The following MS4A6E variants were observed in gnomAD, a reference collection of about 807,000 sequenced individuals.
MS4A6E encodes membrane spanning 4-domains A6E, also known as membrane-spanning 4-domains subfamily A member 6E.
MS4A6E carries 8 observed loss-of-function variants against 13.2 expected under a neutral mutation model. The observed-to-expected ratio is 0.60, with a 90% CI of 0.35 to 1.09. The LOEUF (loss-of-function observed/expected upper bound fraction) is 1.09. Ranked by LOEUF, MS4A6E falls within the 50% of genes least tolerant of loss-of-function variation. The pLI, the probability that MS4A6E is intolerant of heterozygous loss-of-function variation, is 0.02. For synonymous variants in MS4A6E, 72 were observed against 67.6 expected (o/e 1.06, Z -0.32); for missense variants, 177 against 171.1 (o/e 1.03, Z -0.19).
chr11:60,341,811 T>A (rs2085227595), downstream of MS4A6E, among the ~76,000 whole-genome samples: 1 of 152,170 alleles, frequency 6.6e-6, no homozygotes, highest in South Asian at 2.1e-4. Flanking sequence ...TAGCTTTATC[T>A]TCAAATCTGT....
intron 4 of MS4A6E, among the ~76,000 whole-genome samples, chr11:60,346,932 AG>A (rs1590779257): frequency 1.3e-5 from 2 of 152,374 alleles, no homozygotes. Flanking sequence ...CCTGAGTTAA[AG>A]TTCGGAAAGC....
At chr11:60,335,078 G>A (rs754672592) in intron 2 of MS4A6E, 36 bp downstream of exon 2, 1 of 1,610,764 alleles carries the variant, frequency 6.2e-7, no homozygotes, top group Non-Finnish European at 8.5e-7. Context: ...AGAGGGGTTA[G>A]GGGAAGTGGG....
chr11:60,338,310 G>A (rs1565156671), intron 3 of MS4A6E, among the ~76,000 whole-genome samples: 2 of 152,154 alleles, frequency 1.3e-5, no homozygotes. Flanking sequence ...AGACCCGGGT[G>A]ATCAGAAAAT....
At chr11:60,339,623 G>A (rs1403154948) in intron 3 of MS4A6E, among the ~76,000 whole-genome samples, 1 of 152,180 alleles carries the variant, frequency 6.6e-6, no homozygotes, top group African/African-American at 2.4e-5. Flanking sequence ...TGAGAAACAA[G>A]TGTATGAAAT....
chr11:60,335,924 T>C (rs1012344747), intron 2 of MS4A6E, among the ~76,000 whole-genome samples: 2 of 152,002 alleles, frequency 1.3e-5, no homozygotes, highest in Non-Finnish European at 2.9e-5. Context: ...CATGGACACG[T>C]AGAAGGGAAC....
At chr11:60,342,173 GTGTGTGAGAGAGAGAGAGAGAGAGAGA>G (rs2085230105), downstream of MS4A6E, among the ~76,000 whole-genome samples, 3 of 32,812 alleles carry the variant, frequency 9.1e-5, no homozygotes, top group African/African-American at 2.9e-4. Context: ...GTGTGTGTGT[GTGTGTGAGAGAGAGAGAGAGAGAGAGA>G]GGGGGGGGGA....
downstream of MS4A6E, among the ~76,000 whole-genome samples, chr11:60,341,555 AG>A (rs1400071229): frequency 2.0e-5 from 3 of 152,102 alleles, no homozygotes; most frequent in Non-Finnish European, 2.9e-5. Context: ...GAATTGTTTG[AG>A]TATAACAAAC....
chr11:60,339,064 A>G (rs2085207128), intron 3 of MS4A6E, among the ~76,000 whole-genome samples: 1 of 152,234 alleles, frequency 6.6e-6, no homozygotes, highest in Non-Finnish European at 1.5e-5. Flanking sequence ...GGTAATGGAC[A>G]CAACATGTAT....
At position 60,330,262 on chromosome 11, in the gene MS4A6E, C is replaced by T. The variant is rs181302160; in HGVS notation, c.-15+2854C>T. 1.2e-3 allele frequency among the ~76,000 whole-genome samples: 184 copies of T among 147,640 alleles called. 9 individuals carry two copies. Among genetic ancestry groups the T allele is most frequent in the African/African-American group, 4.5e-3 (180 of 39,720 alleles). ...TCTCCCATTCTGTAGGTCGCCTGTT[C>T]ACTCTGATGATAGTTTCTTTTGCTG... On this transcript the variant is annotated intron_variant, in intron 1 of 4. Transcript: ENST00000684409.
At chr11:60,329,472 T>A (rs1412785915) in intron 1 of MS4A6E, among the ~76,000 whole-genome samples, 1 of 152,226 alleles carries the variant, frequency 6.6e-6, no homozygotes. Context: ...TGTGTCTATA[T>A]AGCAGAATGA....
downstream of MS4A6E, among the ~76,000 whole-genome samples, chr11:60,345,633 G>A (rs1412767441): frequency 2.0e-5 from 3 of 152,216 alleles, no homozygotes; most frequent in South Asian, 2.1e-4. Context: ...CTGTGTTTAG[G>A]TGAGAACAAG....
rs144286148 is a variant in MS4A6E at position 60,339,748 on chromosome 11, T to G, written c.355-118T>G. ...GGAGCAGTTTTGTTTTCCTGATTGTTTCCTTACTTCATTCTCTAATGGTTG... is the reference window on the plus strand; with the variant it reads ...GGAGCAGTTTTGTTTTCCTGATTGTGTCCTTACTTCATTCTCTAATGGTTG... On this transcript the variant is annotated intron_variant, in intron 3 of 4. Coordinates refer to ENST00000684409, the MANE Select transcript of MS4A6E (RefSeq NM_139249.4). 2.6e-3 allele frequency: 2,204 copies of G among 847,540 alleles called. 36 individuals are homozygous for G. The African/African-American group carries it at 0.027, about 10-fold the overall frequency. The allele number at this position is 847,540 out of a possible 1,614,324, so 52.5% of individuals were successfully genotyped here.
intron 1 of MS4A6E, among the ~76,000 whole-genome samples, chr11:60,334,015 A>T (rs1185350301): frequency 6.6e-6 from 1 of 152,010 alleles, no homozygotes; most frequent in East Asian, 1.9e-4. Context: ...TCTGGAGAAA[A>T]CCCTGAAGTC....
chr11:60,343,402 A>C (rs1460610038), downstream of MS4A6E, among the ~76,000 whole-genome samples: 1 of 152,190 alleles, frequency 6.6e-6, no homozygotes, highest in Admixed American at 6.5e-5. Context: ...ATTAGACAGA[A>C]TATTACAGCA....
chr11:60,338,082 T>G, intron 3 of MS4A6E, 135 bp downstream of exon 3: 1 of 765,124 alleles, frequency 1.3e-6, no homozygotes, highest in South Asian at 1.9e-5. Flanking sequence ...GTTATGTAAA[T>G]CAAAGGGGGG....
At chr11:60,339,993 C>A in intron 4 of MS4A6E, 29 bp downstream of exon 4, 1 of 1,609,722 alleles carries the variant, frequency 6.2e-7, no homozygotes, top group Non-Finnish European at 8.5e-7. Context: ...CTCGCTTAAT[C>A]TTGCCTAGTG....
At chr11:60,335,499 C>T (rs1456441084) in intron 2 of MS4A6E, 1 of 443,774 alleles carries the variant, frequency 2.3e-6, no homozygotes, top group South Asian at 1.6e-5. Context: ...TGATATTTAC[C>T]TTTTATTTGT....
chr11:60,328,698 C>T (rs1264461493), intron 1 of MS4A6E, among the ~76,000 whole-genome samples: 3 of 151,834 alleles, frequency 2.0e-5, no homozygotes, highest in Admixed American at 2.0e-4. Context: ...TCTAAAATAA[C>T]AACAAAACAA....
At chr11:60,336,152 A>G (rs1590775010) in intron 2 of MS4A6E, among the ~76,000 whole-genome samples, 1 of 152,178 alleles carries the variant, frequency 6.6e-6, no homozygotes, top group East Asian at 1.9e-4. Context: ...ACAATCCAAC[A>G]CTAGATCTGT....
Sources: allele counts gnomAD v4.1 joint callset (sites outside exome capture counted in the v4.1 genomes callset), GRCh38; gene constraint gnomAD v4.1.1; transcripts MANE v1.5; gene names NCBI Gene and HGNC (gene_info 2026-07-23, HGNC 2026-07-21).